The following SCYL1 variants were observed in gnomAD, a reference collection of about 807,000 sequenced individuals.
SCYL1 encodes the protein SCY1 like pseudokinase 1.
Under a neutral mutation model 94.8 loss-of-function variants are expected in SCYL1, and 85 were observed. That is an observed-to-expected ratio of 0.90 (90% CI 0.75 to 1.07). SCYL1 has a LOEUF of 1.07. Among genes scored for constraint, SCYL1 ranks in the 50% least tolerant of loss-of-function variants. The probability of loss-of-function intolerance (pLI) is 0.00; values close to 1 mark genes in which losing one functional copy is unlikely to be tolerated. For missense variants in SCYL1, 968 were observed against 1,083.3 expected, an observed-to-expected ratio of 0.89 and a Z score of 1.49; for synonymous variants, 459 against 435.5, an observed-to-expected ratio of 1.05 and a Z score of -0.67.
Position 65,538,041 on chromosome 11 carries a change from G to A in SCYL1, c.2106G>A (p.Trp702Ter). The stretch of plus-strand genomic sequence containing the variant: ...GCAGCTGGGAAGCTGAGGGCTCCTG[G>A]GAACAGGGCTGGCAGGAGCCAAGCT... ...DWSSWEAEGSWEQGWQEPSSQ... is the reference protein window; with the variant it reads ...DWSSWEAEGS Residue 702 changes from tryptophan to a stop codon, truncating the protein, a stop_gained, in exon 16 of 18, where the codon TGG (tryptophan) becomes TGA (stop). Coordinates refer to ENST00000270176, the MANE Select transcript of SCYL1 (RefSeq NM_020680.4). LOFTEE classifies it high-confidence loss of function. The A allele has an allele frequency of 1.2e-6, 2 of 1,611,992 alleles. No homozygotes were observed. The highest frequency in any genetic ancestry group is 1.7e-6 in the Non-Finnish European group (2 of 1,179,280).
rs1297933573 is a variant in SCYL1 at position 65,536,608 on chromosome 11, C to T, written c.1674C>T (p.Ser558=). The stretch of plus-strand genomic sequence containing the variant: ...CAGAGAAGGATGTCCATGCAGCCTC[C>T]AGCCCTGGCATGGGAGGAGCCGCAG... ...EEVEKDVHAA[S]SPGMGGAAAS... is the part of the protein sequence containing the mutation. Residue 558 remains serine, a synonymous_variant, in exon 13 of 18, where the codon TCC becomes TCT. Transcript: ENST00000270176. The T allele has an allele frequency of 6.2e-7, 1 of 1,613,930 alleles. No individual in the cohort carries two copies. The highest frequency in any genetic ancestry group is 1.3e-5 in the African/African-American group (1 of 74,918).
In SCYL1 at chr11:65,526,041, G is replaced by A. The variant is rs78243061; in HGVS notation, c.373G>A (p.Val125Met). 9.6e-4 allele frequency: 1,554 copies of A among 1,612,910 alleles called. 19 individuals carry two copies. In the African/African-American group the frequency reaches 0.017, roughly 18 times the overall value. ...LEISWGLHQI[V>M]KALSFLVNDC... ...GATCTCCTGGGGGCTACACCAGATCGTGGTGAGGTGGGGGGCAGTGGTGAT... is the reference window on the plus strand; with the variant it reads ...GATCTCCTGGGGGCTACACCAGATCATGGTGAGGTGGGGGGCAGTGGTGAT... The change falls in exon 3 of 18, where the codon GTG (valine) becomes ATG (methionine). Residue 125 changes from valine (V) to methionine (M), a missense_variant and splice_region_variant. This residue lies in a region of SCYL1 where 494 missense variants were observed against 619.7 expected (regional missense o/e 0.80). Transcript: ENST00000270176. This position sits in a 1 kb window ranked among gnomAD's most constrained non-coding sequence, Gnocchi z 4.1.
intron 8 of SCYL1, among the ~76,000 whole-genome samples, chr11:65,532,127 T>C (rs1855404886): frequency 6.6e-6 from 1 of 152,098 alleles, no homozygotes; most frequent in Admixed American, 6.5e-5. Context: ...TACCCTCATT[T>C]ATAGAAGAGG....
rs774267148 is a variant in SCYL1, at chr11:65,532,756, T to C, written c.1181T>C (p.Val394Ala). 1.2e-6 allele frequency: 2 copies of C among 1,613,994 alleles called. No homozygotes were observed. The highest frequency in any genetic ancestry group is 2.7e-5 in the African/African-American group (2 of 74,942). The change falls in exon 9 of 18, where the codon GTA becomes GCA. Residue 394 changes from valine to alanine, a missense_variant. Around this residue, in one of 2 missense-constraint regions of SCYL1, gnomAD observed 494 missense variants for 619.7 expected, o/e 0.80. Transcript: ENST00000270176. The stretch of plus-strand genomic sequence containing the variant: ...AACACCCAGATCTTCCCCCACGTCG[T>C]ACATGGCTTCCTGGACACCAACCCT... ...TVNTQIFPHV[V>A]HGFLDTNPAI...
At chr11:65,535,169 C>T in intron 9 of SCYL1, 58 bp from the exon 10 acceptor site, 2 of 1,593,674 alleles carry the variant, frequency 1.3e-6, no homozygotes, top group Non-Finnish European at 8.6e-7. Flanking sequence ...GAGGCTGTTC[C>T]TGCACAAGGC....
intron 9 of SCYL1, among the ~76,000 whole-genome samples, chr11:65,534,248 T>C (rs951947894): frequency 7.0e-6 from 1 of 143,848 alleles, no homozygotes; most frequent in African/African-American, 2.6e-5. Flanking sequence ...TAAAATAAAA[T>C]AAAAATTAAA....
Position 65,526,118 on chromosome 11 carries a change from C to T in SCYL1, c.376-6C>T. On this transcript the variant is annotated splice_polypyrimidine_tract_variant and splice_region_variant and intron_variant, in intron 3 of 17. Coordinates refer to ENST00000270176, the MANE Select transcript of SCYL1 (RefSeq NM_020680.4). This position sits in a 1 kb window ranked among gnomAD's most constrained non-coding sequence, Gnocchi z 4.1. ...GCTGGGGCGTGATGGCTCCTTTTGC[C>T]CCCAGAAAGCCCTCAGCTTCCTGGT... 1.9e-6 allele frequency: 3 copies of T among 1,612,736 alleles called. No individual in the cohort carries two copies. Among genetic ancestry groups the T allele is most frequent in the Non-Finnish European group, 2.5e-6 (3 of 1,179,700 alleles).
intron 6 of SCYL1, among the ~76,000 whole-genome samples, chr11:65,527,997 C>T (rs1028248661): frequency 2.0e-5 from 3 of 152,222 alleles, no homozygotes; most frequent in Non-Finnish European, 4.4e-5. Flanking sequence ...AGGGGTGTAA[C>T]ACCCTGTACT....
chr11:65,528,609 A>C (rs976287622), intron 6 of SCYL1, among the ~76,000 whole-genome samples: 1 of 151,774 alleles, frequency 6.6e-6, no homozygotes, highest in Non-Finnish European at 1.5e-5. Context: ...AAATACAAAA[A>C]ACTAGCCAGG....
Position 65,526,662 on chromosome 11 carries a change from A to T in SCYL1, c.603-121A>T, listed in dbSNP as rs980495854. On this transcript the variant is annotated intron_variant, in intron 4 of 17. Coordinates refer to ENST00000270176, the MANE Select transcript of SCYL1 (RefSeq NM_020680.4). The surrounding 1 kb of genome is among the most constrained non-coding windows in gnomAD (Gnocchi z 4.1). ...TAATGAAACCTGCCTCTTGGGACTG[A>T]TGGCTCAGCTGAGGGACATAGCCAG... is the stretch of plus-strand genomic sequence containing the variant. The T allele has an allele frequency of 2.1e-6, 2 of 937,786 alleles. No homozygotes were observed. Among genetic ancestry groups the T allele is most frequent in the Non-Finnish European group, 3.2e-6 (2 of 621,876 alleles). 58.1% of individuals were successfully genotyped at this position (937,786 alleles called of 1,614,324 possible).
intron 1 of SCYL1, 118 bp downstream of exon 1, chr11:65,525,382 C>G: frequency 9.5e-7 from 1 of 1,051,624 alleles, no homozygotes; most frequent in Non-Finnish European, 1.3e-6. Context: ...GGTAGCAGGC[C>G]GGGGAGGGGG....
intron 6 of SCYL1, among the ~76,000 whole-genome samples, chr11:65,527,353 C>T (rs558683260): frequency 1.5e-4 from 23 of 152,320 alleles, no homozygotes; most frequent in African/African-American, 5.5e-4. Flanking sequence ...GCATGATCTA[C>T]TCCAACACTG....
chr11:65,533,142 C>A, intron 9 of SCYL1: 1 of 282,918 alleles, frequency 3.5e-6, no homozygotes, highest in South Asian at 4.0e-5. Flanking sequence ...GTATTGTTGG[C>A]TGGTCACGGT....
chr11:65,527,186 G>A (rs1855130188), intron 6 of SCYL1, 69 bp downstream of exon 6: 2 of 1,553,040 alleles, frequency 1.3e-6, no homozygotes, highest in Admixed American at 1.7e-5. Context: ...GCTTTTCAGG[G>A]TACCTCACAA....
At chr11:65,536,473 A>G (rs1855648210) in intron 12 of SCYL1, 113 bp from the exon 13 acceptor site, 1 of 1,433,844 alleles carries the variant, frequency 7.0e-7, no homozygotes, top group Middle Eastern at 1.8e-4. Flanking sequence ...GATGGGAGAA[A>G]TCAGGCCTGG....
chr11:65,526,742 G>T lies in SCYL1; in HGVS notation c.603-41G>T. The T allele has an allele frequency of 1.3e-6, 2 of 1,587,152 alleles. No individual in the cohort carries two copies. The highest frequency in any genetic ancestry group is 1.1e-5 in the South Asian group (1 of 89,916). ...CAAGGCAGGCTGGAGGCCTGTGCAGGTGGTTGGTGGGGCCCTAAGAGCTCT... is the reference window on the plus strand; with the variant it reads ...CAAGGCAGGCTGGAGGCCTGTGCAGTTGGTTGGTGGGGCCCTAAGAGCTCT... On this transcript the variant is annotated intron_variant, in intron 4 of 17. Coordinates refer to ENST00000270176, the MANE Select transcript of SCYL1 (RefSeq NM_020680.4). This position sits in a 1 kb window ranked among gnomAD's most constrained non-coding sequence, Gnocchi z 4.1.
Position 65,538,194 on chromosome 11 carries a change from A to T in SCYL1, c.2247+12A>T, listed in dbSNP as rs1237230332. ...GTCCCAGCACCCAGGTACCCAGCAC[A>T]GGTCTGGCGAGAGGGTAGAGATGGT... On this transcript the variant is annotated intron_variant, in intron 16 of 17. Coordinates refer to ENST00000270176, the MANE Select transcript of SCYL1 (RefSeq NM_020680.4). 2 of 1,569,198 alleles carry T rather than the reference A, an allele frequency of 1.3e-6. No individual in the cohort carries two copies.
rs1389773930 is a variant in SCYL1, at chr11:65,536,009, A to G, written c.1443A>G (p.Ala481=). The G allele has an allele frequency of 4.3e-6, 7 of 1,613,672 alleles. No homozygotes were observed. Among genetic ancestry groups the G allele is most frequent in the Non-Finnish European group, 5.9e-6 (7 of 1,179,786 alleles). ...GCCGAGCCACTAGGGACCCGTTTGC[A>G]CCGTCCCGGGTTGCGGGTGTCCTGG... ...AFSRATRDPF[A]PSRVAGVLGF... is the part of the protein sequence containing the mutation. Residue 481 remains alanine (A), a synonymous_variant, in exon 11 of 18, where the codon GCA becomes GCG. Coordinates refer to ENST00000270176, the MANE Select transcript of SCYL1 (RefSeq NM_020680.4).
At chr11:65,527,378 A>G (rs1301621667) in intron 6 of SCYL1, among the ~76,000 whole-genome samples, 1 of 152,174 alleles carries the variant, frequency 6.6e-6, no homozygotes, top group Non-Finnish European at 1.5e-5. Context: ...CTTTTTGACC[A>G]CCAACATTAC....
Sources: gnomAD v4.1 joint callset for allele counts (sites outside exome capture counted in the v4.1 genomes callset) on GRCh38, gnomAD v4.1.1 for gene constraint, gnomAD v4.1.1 regional missense constraint, Gnocchi (gnomAD v3.1) non-coding constraint, MANE v1.5 for transcripts, NCBI Gene and HGNC (gene_info 2026-07-23, HGNC 2026-07-21) for gene names.